Variants in CFH observed in about 807,000 individuals in gnomAD.
CFH encodes the protein complement factor H, also known as H factor 1 (complement).
In CFH, 53 loss-of-function variants were observed where a neutral mutation model predicts 147.3. The ratio of observed to expected loss-of-function variants is 0.36; its 90% CI spans 0.29 to 0.45. CFH has a LOEUF of 0.45. Ranked by LOEUF, CFH falls within the 20% of genes least tolerant of loss-of-function variation. The pLI is 1.00. For missense variants in CFH, 1,380 were observed against 1,498.0 expected, an observed-to-expected ratio of 0.92 and a Z score of 1.30; for synonymous variants, 536 against 489.4, an observed-to-expected ratio of 1.10 and a Z score of -1.26.
rs536374479 is a variant in CFH at position 196,741,145 on chromosome 1, A to T, written c.2956+353A>T. The T allele has an allele frequency of 4.3e-4, 121 of 280,590 alleles. No homozygotes were observed. The South Asian group carries it at 4.7e-3, about 11-fold the overall frequency. The allele number at this position is 280,590 out of a possible 1,614,324, so 17.4% of individuals were successfully genotyped here. A position where few individuals can be genotyped will look rare whatever the true frequency, so the allele number is the denominator to read the frequency against. ...ATAAGTACATTTTCTGAAATATTTT[A>T]AAAAATCATTATAAGTATTTCACAT... On this transcript the variant is annotated intron_variant, in intron 18 of 21. Coordinates refer to ENST00000367429, the MANE Select transcript of CFH (RefSeq NM_000186.4).
intron 17 of CFH, among the ~76,000 whole-genome samples, chr1:196,738,780 G>T (rs1319134540): frequency 6.6e-6 from 1 of 152,158 alleles, no homozygotes; most frequent in Non-Finnish European, 1.5e-5. Context: ...AATGATTGTG[G>T]TCCTGTTCTC....
chr1:196,682,724 C>G (rs1667698502), intron 6 of CFH, among the ~76,000 whole-genome samples: 1 of 151,416 alleles, frequency 6.6e-6, no homozygotes, highest in Admixed American at 6.6e-5. Context: ...GTGTCAACAT[C>G]AAACACTGAA....
At chr1:196,746,665 G>T (rs1653014956) in intron 21 of CFH, among the ~76,000 whole-genome samples, 1 of 151,966 alleles carries the variant, frequency 6.6e-6, no homozygotes, top group Non-Finnish European at 1.5e-5. Context: ...GTGTGTGTTT[G>T]TGGTGAGGAC....
chr1:196,728,457 G>A lies in CFH; in HGVS notation c.2348G>A (p.Gly783Glu), dbSNP rs1340795239. The A allele has an allele frequency of 6.2e-7, 1 of 1,612,928 alleles. No homozygotes were observed. Among genetic ancestry groups the A allele is most frequent in the African/African-American group, 1.3e-5 (1 of 74,972 alleles). ...HNSNIRYRCR[G>E]KEGWIHTVCI... ...TCTAACATAAGGTACAGATGTAGAG[G>A]AAAAGAAGGATGGATACACACAGTC... The change falls in exon 15 of 22, where the codon GGA becomes GAA. Residue 783 changes from glycine to glutamate, a missense_variant. Around this residue, in one of 4 missense-constraint regions of CFH, gnomAD observed 830 missense variants for 821.4 expected, o/e 1.01. Transcript: ENST00000367429.
At chr1:196,652,600 A>C (rs961297878) in intron 1 of CFH, among the ~76,000 whole-genome samples, 1 of 151,852 alleles carries the variant, frequency 6.6e-6, no homozygotes, top group Non-Finnish European at 1.5e-5. Context: ...ATATGATTTT[A>C]ACTCTTCCTA....
At chr1:196,707,848 A>G (rs1668629209) in intron 9 of CFH, among the ~76,000 whole-genome samples, 1 of 152,218 alleles carries the variant, frequency 6.6e-6, no homozygotes, top group African/African-American at 2.4e-5. Flanking sequence ...GTTTGTTATT[A>G]TAATTATTTT....
At chr1:196,665,004 A>T (rs1297951985) in intron 1 of CFH, among the ~76,000 whole-genome samples, 1 of 151,712 alleles carries the variant, frequency 6.6e-6, no homozygotes, top group Admixed American at 6.6e-5. Context: ...TTTCCAGCAA[A>T]ATTGATTATC....
intron 9 of CFH, chr1:196,701,286 A>T: frequency 6.2e-7 from 1 of 1,613,762 alleles, no homozygotes; most frequent in Non-Finnish European, 8.5e-7. Flanking sequence ...AGCCTAACTC[A>T]GGGTAATCAT....
At chr1:196,712,330 T>C (rs1380863312) in intron 9 of CFH, among the ~76,000 whole-genome samples, 1 of 151,816 alleles carries the variant, frequency 6.6e-6, no homozygotes, top group African/African-American at 2.4e-5. Flanking sequence ...TTTATACTCA[T>C]GCTGGATTTT....
chr1:196,715,883 A>T (rs1668859216), intron 11 of CFH, 114 bp downstream of exon 11: 1 of 841,164 alleles, frequency 1.2e-6, no homozygotes, highest in Admixed American at 2.6e-5. Context: ...TAAAATCAAG[A>T]TATCTCCTGA....
chr1:196,683,366 G>T (rs1667719753), intron 6 of CFH, among the ~76,000 whole-genome samples: 1 of 151,688 alleles, frequency 6.6e-6, no homozygotes, highest in East Asian at 1.9e-4. Flanking sequence ...TGGACATTGG[G>T]CTCATTGGTA....
Position 196,673,839 on chromosome 1 carries a change from C to CTTT in CFH, c.245-11_245-9dup, listed in dbSNP as rs35507625. 3,723 of 1,479,616 alleles carry CTTT rather than the reference C, an allele frequency of 2.5e-3. 15 individuals are homozygous for CTTT. The Admixed American group carries it at 0.029, about 11-fold the overall frequency. The allele number at this position is 1,479,616 out of a possible 1,614,324, so 91.7% of individuals were successfully genotyped here. On this transcript the variant is annotated splice_polypyrimidine_tract_variant and intron_variant, in intron 2 of 21. Coordinates refer to ENST00000367429, the MANE Select transcript of CFH (RefSeq NM_000186.4). ...CTTGCTATTACATACTAATTCATAA[C>CTTT]TTTTTTTTTCGTTTTAGAAAGGCCC...
Position 196,747,351 on chromosome 1 carries a change from A to G in CFH, c.*38A>G. 1.2e-6 allele frequency: 2 copies of G among 1,612,726 alleles called. No individual in the cohort carries two copies. The highest frequency in any genetic ancestry group is 1.7e-6 in the Non-Finnish European group (2 of 1,178,744). On this transcript the variant is annotated 3_prime_UTR_variant, in exon 22 of 22. Coordinates refer to ENST00000367429, the MANE Select transcript of CFH (RefSeq NM_000186.4). ...AGTGCACACCTTTATTCAGAACTTT[A>G]GTATTAAATCAGTTCTCAATTTCAT... is the stretch of plus-strand genomic sequence containing the variant.
intron 9 of CFH, among the ~76,000 whole-genome samples, chr1:196,707,409 C>A (rs1360573116): frequency 6.6e-6 from 1 of 152,198 alleles, no homozygotes; most frequent in Non-Finnish European, 1.5e-5. Context: ...AACTACTATT[C>A]ACGAGTTTGT....
At chr1:196,741,317 G>A (rs1026585410) in intron 18 of CFH, 2 of 177,842 alleles carry the variant, frequency 1.1e-5, no homozygotes, top group South Asian at 2.4e-4. Context: ...GACTGAGGAG[G>A]TGTCATGAAA....
At chr1:196,701,384 G>A (rs1159271758) in intron 9 of CFH, 8 of 1,613,270 alleles carry the variant, frequency 5.0e-6, no homozygotes, top group Non-Finnish European at 5.9e-6. Flanking sequence ...AAGATGACAA[G>A]GGCCAATGGA....
At chr1:196,716,490 A>G (rs1417121038) in intron 11 of CFH, among the ~76,000 whole-genome samples, 1 of 152,104 alleles carries the variant, frequency 6.6e-6, no homozygotes, top group East Asian at 1.9e-4. Flanking sequence ...AAGAAAAGGA[A>G]TGGTATAATT....
At chr1:196,703,697 G>GT (rs1040357298) in intron 9 of CFH, among the ~76,000 whole-genome samples, 6 of 151,992 alleles carry the variant, frequency 3.9e-5, no homozygotes, top group African/African-American at 1.4e-4. Context: ...TTAAAGCACA[G>GT]TTTTTTGCTG....
chr1:196,660,413 A>G (rs1666859554), intron 1 of CFH, among the ~76,000 whole-genome samples: 1 of 152,220 alleles, frequency 6.6e-6, no homozygotes, highest in South Asian at 2.1e-4. Context: ...AAGTGAAGTC[A>G]TAGAAGAATT....
Sources: allele counts gnomAD v4.1 joint callset (sites outside exome capture counted in the v4.1 genomes callset), GRCh38; gene constraint gnomAD v4.1.1; regional missense constraint gnomAD v4.1.1; transcripts MANE v1.5; gene names NCBI Gene and HGNC (gene_info 2026-07-23, HGNC 2026-07-21).